HNRNPR: variants seen among roughly 807,000 people sequenced by gnomAD.
HNRNPR encodes the protein heterogeneous nuclear ribonucleoprotein R.
In HNRNPR, 4 loss-of-function variants were observed where a neutral mutation model predicts 70.3. The ratio of observed to expected loss-of-function variants is 0.06; its 90% CI spans 0.03 to 0.13. The LOEUF (loss-of-function observed/expected upper bound fraction) is 0.13. HNRNPR is among the 10% of genes least tolerant of loss of function. The pLI, the probability that HNRNPR is intolerant of heterozygous loss-of-function variation, is 1.00. For synonymous variants in HNRNPR, 241 were observed against 267.6 expected (o/e 0.90, Z 0.97); for missense variants, 423 against 788.5 (o/e 0.54, Z 5.55).
intron 5 of HNRNPR, among the ~76,000 whole-genome samples, chr1:23,331,835 A>AAAAAAAT: frequency 4.4e-5 from 1 of 22,636 alleles, no homozygotes; most frequent in Non-Finnish European, 7.5e-5. Flanking sequence ...CTGTTTCTTT[A>AAAAAAAT]AAAAAAAAAA....
At chr1:23,317,529 C>T (rs938553817) in intron 8 of HNRNPR, among the ~76,000 whole-genome samples, 3 of 152,174 alleles carry the variant, frequency 2.0e-5, no homozygotes, top group African/African-American at 7.2e-5. Flanking sequence ...GTACTCAAGG[C>T]ACCACTATTA....
chr1:23,306,841 C>T lies in HNRNPR; in HGVS notation c.*3613G>A, dbSNP rs1367695385. On this transcript the variant is annotated 3_prime_UTR_variant, in exon 11 of 11. Transcript: ENST00000302271. The stretch of plus-strand genomic sequence containing the variant: ...CTAATATAAAAGTAAACATGTCTGG[C>T]TAATGGATTTGTTATTCTGGATTCT... The T allele has an allele frequency of 1.3e-5, 2 of 152,172 alleles. No individual in the cohort carries two copies. Among genetic ancestry groups the T allele is most frequent in the Non-Finnish European group, 2.9e-5 (2 of 68,012 alleles). 9.4% of individuals were successfully genotyped at this position (152,172 alleles called of 1,614,324 possible).
At chr1:23,336,571 C>CAAAAAAA (rs869203047) in intron 4 of HNRNPR, among the ~76,000 whole-genome samples, 3 of 41,180 alleles carry the variant, frequency 7.3e-5, no homozygotes, top group Non-Finnish European at 1.3e-4. Context: ...GACTCCGTCT[C>CAAAAAAA]AAAAAAAAAA....
At chr1:23,335,490 C>T (rs747141809) in intron 4 of HNRNPR, among the ~76,000 whole-genome samples, 7 of 152,260 alleles carry the variant, frequency 4.6e-5, no homozygotes, top group Non-Finnish European at 1.0e-4. Context: ...TTTACAGCCG[C>T]TCCTCATCCT....
At chr1:23,325,126 G>C (rs682065) in intron 5 of HNRNPR, among the ~76,000 whole-genome samples, 9,103 of 151,742 alleles carry the variant, frequency 0.06, 892 homozygotes, top group African/African-American at 0.21. Flanking sequence ...GGCAACAGAG[G>C]GAGACTCCAT....
chr1:23,316,971 A>G (rs1265874841), intron 8 of HNRNPR, among the ~76,000 whole-genome samples: 1 of 152,150 alleles, frequency 6.6e-6, no homozygotes, highest in Non-Finnish European at 1.5e-5. Flanking sequence ...CAGACTTTAT[A>G]CAAGTATAAA....
At chr1:23,314,706 A>C (rs1421349124) in intron 8 of HNRNPR, among the ~76,000 whole-genome samples, 1 of 152,242 alleles carries the variant, frequency 6.6e-6, no homozygotes, top group Non-Finnish European at 1.5e-5. Context: ...TTTGTCAAGA[A>C]TGAGGAAAAT....
chr1:23,342,345 GGAA>G (rs148050681), intron 1 of HNRNPR, among the ~76,000 whole-genome samples: 5 of 152,252 alleles, frequency 3.3e-5, no homozygotes, highest in South Asian at 2.1e-4. Flanking sequence ...ATAGAGAGTA[GGAA>G]GAAGAAGAAA....
chr1:23,337,726 C>A, intron 4 of HNRNPR, 28 bp downstream of exon 4: 1 of 1,339,414 alleles, frequency 7.5e-7, no homozygotes, highest in Non-Finnish European at 1.1e-6. Context: ...AATGCAATTT[C>A]ATTACAACTA....
intron 1 of HNRNPR, among the ~76,000 whole-genome samples, chr1:23,343,913 C>G (rs1646807012): frequency 6.6e-6 from 1 of 152,180 alleles, no homozygotes; most frequent in Non-Finnish European, 1.5e-5. Flanking sequence ...CCGCATGGAG[C>G]AGCGAGCGGA....
chr1:23,313,202 T>TG (rs1191074620), intron 9 of HNRNPR, among the ~76,000 whole-genome samples: 1 of 152,192 alleles, frequency 6.6e-6, no homozygotes, highest in Non-Finnish European at 1.5e-5. Flanking sequence ...CCTTCATAGG[T>TG]ACACAAACTG....
intron 7 of HNRNPR, among the ~76,000 whole-genome samples, chr1:23,321,068 C>A (rs904719998): frequency 6.8e-6 from 1 of 147,892 alleles, no homozygotes; most frequent in East Asian, 2.0e-4. Flanking sequence ...GAGGCTGAGG[C>A]AGGAGAATTG....
At chr1:23,330,140 A>G (rs1646154885) in intron 5 of HNRNPR, among the ~76,000 whole-genome samples, 1 of 152,150 alleles carries the variant, frequency 6.6e-6, no homozygotes, top group South Asian at 2.1e-4. Context: ...ATTTCTTTTC[A>G]TTACTCTGCA....
Position 23,310,568 on chromosome 1 carries a change from G to A in HNRNPR, c.1788C>T (p.Ser596=). The change falls in exon 11 of 11, where the codon TCC becomes TCT. Residue 596 remains serine, a synonymous_variant. Coordinates refer to ENST00000302271, the MANE Select transcript of HNRNPR (RefSeq NM_005826.5). This position sits in a 1 kb window ranked among gnomAD's most constrained non-coding sequence, Gnocchi z 6.0. ...RQTNNQQNWG[S]QPIAQQPLQQ... ...GAAGCGGCTGCTGAGCGATGGGTTG[G>A]GAACCCCAGTTCTGTTGGTTGTTGG... 1 of 1,614,186 alleles carries A rather than the reference G, an allele frequency of 6.2e-7. No individual in the cohort carries two copies. Among genetic ancestry groups the A allele is most frequent in the Non-Finnish European group, 8.5e-7 (1 of 1,180,024 alleles).
At position 23,318,805 on chromosome 1, in the gene HNRNPR, A is replaced by G. The variant is rs1645646265; in HGVS notation, c.812-117T>C. 2.4e-6 allele frequency: 2 copies of G among 833,926 alleles called. No individual in the cohort carries two copies. The highest frequency in any genetic ancestry group is 3.8e-6 in the Non-Finnish European group (2 of 525,162). The allele number at this position is 833,926 out of a possible 1,614,324, so 51.7% of individuals were successfully genotyped here. On this transcript the variant is annotated intron_variant, in intron 7 of 10. Transcript: ENST00000302271. This position sits in a 1 kb window ranked among gnomAD's most constrained non-coding sequence, Gnocchi z 4.2. ...ATATAAGTGAAGCAGCCTCAACATG[A>G]GTCACTAATTTTGTAGACAATTAGA... is the stretch of plus-strand genomic sequence containing the variant.
intron 1 of HNRNPR, among the ~76,000 whole-genome samples, chr1:23,342,849 T>G (rs1646753987): frequency 6.6e-6 from 1 of 152,196 alleles, no homozygotes; most frequent in Admixed American, 6.5e-5. Flanking sequence ...AGACAAGTTG[T>G]GTATTAAGTA....
chr1:23,330,177 A>G (rs767143776), intron 5 of HNRNPR, among the ~76,000 whole-genome samples: 3 of 152,144 alleles, frequency 2.0e-5, no homozygotes, highest in Non-Finnish European at 4.4e-5. Context: ...CTCTGCAAAC[A>G]GATAAGAATT....
intron 2 of HNRNPR, among the ~76,000 whole-genome samples, 162 bp downstream of exon 2, chr1:23,340,690 T>C (rs1646676936): frequency 6.6e-6 from 1 of 152,120 alleles, no homozygotes; most frequent in Non-Finnish European, 1.5e-5. Context: ...AATAAGAGTA[T>C]CAAAGTCAAA....
intron 9 of HNRNPR, among the ~76,000 whole-genome samples, chr1:23,313,312 T>C (rs1240363029): frequency 6.6e-6 from 1 of 152,150 alleles, no homozygotes; most frequent in Non-Finnish European, 1.5e-5. Flanking sequence ...TGCTATCGAA[T>C]CTTACAAAAC....
Sources: gnomAD v4.1 joint callset for allele counts (sites outside exome capture counted in the v4.1 genomes callset) on GRCh38, gnomAD v4.1.1 for gene constraint, Gnocchi (gnomAD v3.1) non-coding constraint, MANE v1.5 for transcripts, NCBI Gene and HGNC (gene_info 2026-07-23, HGNC 2026-07-21) for gene names.